Variants in SLC39A8 observed in about 807,000 individuals in gnomAD.
The protein encoded by SLC39A8 is solute carrier family 39 member 8.
In SLC39A8, 15 loss-of-function variants were observed where a neutral mutation model predicts 40.4. The ratio of observed to expected loss-of-function variants is 0.37; its 90% CI spans 0.25 to 0.57. The LOEUF (loss-of-function observed/expected upper bound fraction) is 0.57. SLC39A8 is among the 20% of genes least tolerant of loss of function. The pLI is 0.75. For missense variants in SLC39A8, 472 were observed against 558.8 expected (o/e 0.84, Z 1.57); for synonymous variants, 223 against 221.6 (o/e 1.01, Z -0.06).
chr4:102,333,082 T>G (rs1578626397), intron 2 of SLC39A8, among the ~76,000 whole-genome samples: 1 of 152,096 alleles, frequency 6.6e-6, no homozygotes, highest in Non-Finnish European at 1.5e-5. Flanking sequence ...GGCTGATGGG[T>G]GCAGTAAACC....
At position 102,272,215 on chromosome 4, in the gene SLC39A8, C is replaced by T. The variant is rs150670420; in HGVS notation, c.841-4136G>A. On this transcript the variant is annotated intron_variant, in intron 6 of 8. Coordinates refer to ENST00000356736, the MANE Select transcript of SLC39A8 (RefSeq NM_001135146.2). Reference sequence around the variant, plus strand: ...TTGGGAGGCCGACACAAGCAGATCACGAGGTCAGGAGATCGAGACCATCCT... The same window carrying T: ...TTGGGAGGCCGACACAAGCAGATCATGAGGTCAGGAGATCGAGACCATCCT... 2.5e-3 allele frequency among the ~76,000 whole-genome samples: 376 copies of T among 151,908 alleles called. 2 individuals carry two copies. The highest frequency in any genetic ancestry group is 8.6e-3 in the African/African-American group (358 of 41,422).
chr4:102,335,327 G>A (rs971835929), intron 2 of SLC39A8, among the ~76,000 whole-genome samples: 3 of 152,126 alleles, frequency 2.0e-5, no homozygotes, highest in Admixed American at 6.5e-5. Context: ...TTTACTGTTC[G>A]CTGAAGTTCG....
intron 6 of SLC39A8, among the ~76,000 whole-genome samples, chr4:102,303,493 C>G (rs1734004096): frequency 6.6e-6 from 1 of 151,890 alleles, no homozygotes; most frequent in Non-Finnish European, 1.5e-5. Context: ...ATAAGACAAA[C>G]CTCAGGAACT....
intron 2 of SLC39A8, among the ~76,000 whole-genome samples, chr4:102,341,043 T>C (rs532228156): frequency 2.7e-5 from 4 of 148,392 alleles, no homozygotes; most frequent in South Asian, 4.3e-4. Context: ...AGGCCTTAAA[T>C]GCTAGGCTCA....
downstream of SLC39A8, chr4:102,259,428 A>G: frequency 6.8e-7 from 1 of 1,470,412 alleles, no homozygotes; most frequent in African/African-American, 1.4e-5. Context: ...AAGCCCACCC[A>G]TTAAAATTGT....
chr4:102,301,320 T>C (rs775373009), intron 6 of SLC39A8, among the ~76,000 whole-genome samples: 3 of 152,008 alleles, frequency 2.0e-5, no homozygotes, highest in Non-Finnish European at 4.4e-5. Context: ...TCAAAGTCTT[T>C]AGCATATTTT....
intron 2 of SLC39A8, among the ~76,000 whole-genome samples, chr4:102,333,306 T>A (rs926958304): frequency 6.6e-6 from 1 of 152,124 alleles, no homozygotes; most frequent in African/African-American, 2.4e-5. Flanking sequence ...ACTTACAGCA[T>A]GCCAGGCAAA....
rs1458524748 is a variant in SLC39A8, at chr4:102,262,730, G to A, written c.*314C>T. 9.7e-6 allele frequency: 10 copies of A among 1,033,100 alleles called. No individual in the cohort carries two copies. The highest frequency in any genetic ancestry group is 5.1e-5 in the African/African-American group (3 of 59,054). The allele number at this position is 1,033,100 out of a possible 1,614,324, so 64.0% of individuals were successfully genotyped here. A position where few individuals can be genotyped will look rare whatever the true frequency, so the allele number is the denominator to read the frequency against. On this transcript the variant is annotated 3_prime_UTR_variant, in exon 9 of 9. Transcript: ENST00000356736. ...AACTTGTATTTTCCCCTGAGTCTGA[G>A]TGTCTACATGATTATAGAATGCATG...
At chr4:102,308,099 C>T (rs897428126) in intron 3 of SLC39A8, among the ~76,000 whole-genome samples, 2 of 152,038 alleles carry the variant, frequency 1.3e-5, no homozygotes, top group African/African-American at 4.8e-5. Context: ...GCTGCTAACA[C>T]TGAGTTTGTC....
In SLC39A8 at chr4:102,305,073, C is replaced by G. The variant is rs1734109363; in HGVS notation, c.591G>C (p.Glu197Asp). ...GFDPKVDSYV[E>D]KAVAVFGGFY... The stretch of plus-strand genomic sequence containing the variant: ...ATCCACCAAACACAGCAACTGCCTT[C>G]TCAACATAACTGTCGACTTTGGGAT... The change falls in exon 5 of 9, where the codon GAG becomes GAC. Residue 197 changes from glutamate to aspartate, a missense_variant. Glu to Asp is a conservative substitution (Grantham distance 45). This residue lies in a region of SLC39A8 where 239 missense variants were observed against 317.9 expected (regional missense o/e 0.75). Transcript: ENST00000356736. 1 of 1,610,756 alleles carries G rather than the reference C, an allele frequency of 6.2e-7. No homozygotes were observed. Among genetic ancestry groups the G allele is most frequent in the African/African-American group, 1.3e-5 (1 of 74,722 alleles).
In SLC39A8 at chr4:102,263,206, T is replaced by C. The variant is rs763400602; in HGVS notation, c.1234-13A>G. 4 of 1,610,956 alleles carry C rather than the reference T, an allele frequency of 2.5e-6. No individual in the cohort carries two copies. Among genetic ancestry groups the C allele is most frequent in the South Asian group, 1.1e-5 (1 of 90,862 alleles). The stretch of plus-strand genomic sequence containing the variant: ...TCATCTCTGGAAACTAGAAGACAGA[T>C]ATATTGTTAGATAACTGTTGCCATC... On this transcript the variant is annotated splice_polypyrimidine_tract_variant and intron_variant, in intron 8 of 8. Transcript: ENST00000356736.
chr4:102,342,842 C>T (rs1344253213), intron 2 of SLC39A8, among the ~76,000 whole-genome samples: 1 of 152,112 alleles, frequency 6.6e-6, no homozygotes, highest in Non-Finnish European at 1.5e-5. Context: ...TTCATCAACA[C>T]CTCCAGACAC....
At chr4:102,286,467 A>C (rs555282454) in intron 6 of SLC39A8, among the ~76,000 whole-genome samples, 3 of 152,296 alleles carry the variant, frequency 2.0e-5, no homozygotes, top group Admixed American at 6.5e-5. Flanking sequence ...AATTTAGTAT[A>C]GAACATGTTT....
downstream of SLC39A8, among the ~76,000 whole-genome samples, chr4:102,258,104 G>GTTTT (rs752860248): frequency 8.6e-4 from 126 of 146,162 alleles, 6 homozygotes; most frequent in Middle Eastern, 3.6e-3. Context: ...AGTGTTTTTT[G>GTTTT]TTTTTTGTTT....
downstream of SLC39A8, among the ~76,000 whole-genome samples, chr4:102,258,071 A>G (rs1731748489): frequency 1.3e-5 from 2 of 149,526 alleles, no homozygotes; most frequent in African/African-American, 5.0e-5. Context: ...AATAGAACCC[A>G]TTACACAGGT....
At chr4:102,329,102 G>A (rs961167029) in intron 2 of SLC39A8, among the ~76,000 whole-genome samples, 1 of 151,984 alleles carries the variant, frequency 6.6e-6, no homozygotes, top group African/African-American at 2.4e-5. Flanking sequence ...TGAATTTGGA[G>A]AAGACAGAGG....
intron 6 of SLC39A8, among the ~76,000 whole-genome samples, chr4:102,299,301 TAA>T (rs367878700): frequency 7.0e-5 from 10 of 143,348 alleles, no homozygotes; most frequent in South Asian, 2.2e-4. Flanking sequence ...ATTTCATACT[TAA>T]AAAAAAAAAA....
chr4:102,275,406 G>C (rs1400097035), intron 6 of SLC39A8, among the ~76,000 whole-genome samples: 1 of 152,128 alleles, frequency 6.6e-6, no homozygotes, highest in Admixed American at 6.5e-5. Context: ...TAATGGTAAA[G>C]GGATCAATGC....
At chr4:102,297,755 CA>C (rs1039922139) in intron 6 of SLC39A8, among the ~76,000 whole-genome samples, 4 of 151,498 alleles carry the variant, frequency 2.6e-5, no homozygotes, top group African/African-American at 4.8e-5. Flanking sequence ...CATTTCTACA[CA>C]AAAAAAATTT....
Sources: gnomAD v4.1 joint callset for allele counts (sites outside exome capture counted in the v4.1 genomes callset) on GRCh38, gnomAD v4.1.1 for gene constraint, gnomAD v4.1.1 regional missense constraint, MANE v1.5 for transcripts, NCBI Gene and HGNC (gene_info 2026-07-23, HGNC 2026-07-21) for gene names.